The following CPA4 variants were observed in gnomAD, a reference collection of about 807,000 sequenced individuals.
The protein encoded by CPA4 is carboxypeptidase A3.
Under a neutral mutation model 54.7 loss-of-function variants are expected in CPA4, and 49 were observed. That is an observed-to-expected ratio of 0.90 (90% CI 0.71 to 1.14). The LOEUF (loss-of-function observed/expected upper bound fraction) is 1.14. Ranked by LOEUF, CPA4 falls within the 50% of genes most tolerant of loss-of-function variation. CPA4 has a pLI of 0.00. For missense variants in CPA4, 487 were observed against 525.1 expected (o/e 0.93, Z 0.71); for synonymous variants, 215 against 206.8 (o/e 1.04, Z -0.34).
At chr7:130,307,355 G>C (rs1341784601) in intron 7 of CPA4, among the ~76,000 whole-genome samples, 3 of 152,192 alleles carry the variant, frequency 2.0e-5, no homozygotes, top group African/African-American at 7.2e-5. Flanking sequence ...GCCGAGGCCA[G>C]GCGCGGTGGC....
At chr7:130,305,683 A>G (rs1281170823) in intron 5 of CPA4, 133 bp from the exon 6 acceptor site, 1 of 728,506 alleles carries the variant, frequency 1.4e-6, no homozygotes, top group South Asian at 1.7e-5. Context: ...CGATAAATAG[A>G]TGGTGCCCTT....
At chr7:130,309,285 T>G (rs552348603) in intron 8 of CPA4, among the ~76,000 whole-genome samples, 10 of 152,314 alleles carry the variant, frequency 6.6e-5, no homozygotes, top group African/African-American at 2.4e-4. Flanking sequence ...CACTCTCTTC[T>G]AAGACATACA....
intron 10 of CPA4, among the ~76,000 whole-genome samples, chr7:130,321,347 G>A (rs996434687): frequency 2.0e-5 from 3 of 151,910 alleles, no homozygotes; most frequent in South Asian, 2.1e-4. Context: ...TCCCTTCTCC[G>A]TATCCATTAT....
intron 5 of CPA4, among the ~76,000 whole-genome samples, chr7:130,304,845 A>G (rs3735052): frequency 0.3 from 44,938 of 152,078 alleles, 6,874 homozygotes; most frequent in South Asian, 0.35. Context: ...GAAAGCTCTC[A>G]GATGGGACAG....
rs1793925018 is a variant in CPA4, at chr7:130,312,115, C to A, written c.1071C>A (p.Thr357=). Residue 357 remains threonine (T), a synonymous_variant, in exon 10 of 11, where the codon ACC becomes ACA. Coordinates refer to ENST00000222482, the MANE Select transcript of CPA4 (RefSeq NM_016352.4). The part of the protein sequence containing the change: ...GTEYQVGPTC[T]TVYPASGSSI... ...AGTACCAAGTGGGTCCCACCTGCACCACTGTCTGTAAGTACTCGCTTATTT... is the reference window on the plus strand; with the variant it reads ...AGTACCAAGTGGGTCCCACCTGCACAACTGTCTGTAAGTACTCGCTTATTT... 2 of 1,611,670 alleles carry A rather than the reference C, an allele frequency of 1.2e-6. No individual in the cohort carries two copies. Among genetic ancestry groups the A allele is most frequent in the South Asian group, 2.2e-5 (2 of 91,036 alleles).
intron 10 of CPA4, among the ~76,000 whole-genome samples, chr7:130,318,428 T>C (rs964149444): frequency 1.3e-5 from 2 of 152,246 alleles, no homozygotes; most frequent in African/African-American, 2.4e-5. Flanking sequence ...CTTTTTGAAA[T>C]GGAGTTTCGT....
At chr7:130,314,348 C>G (rs754502351) in intron 10 of CPA4, among the ~76,000 whole-genome samples, 1 of 152,116 alleles carries the variant, frequency 6.6e-6, no homozygotes. Context: ...TGTAGGGAGT[C>G]GTAATAGGTT....
intron 10 of CPA4, among the ~76,000 whole-genome samples, chr7:130,321,217 T>C (rs529916073): frequency 2.6e-5 from 4 of 152,202 alleles, no homozygotes; most frequent in African/African-American, 9.6e-5. Context: ...GAAAAAATTA[T>C]CTATGCTTTG....
intron 4 of CPA4, among the ~76,000 whole-genome samples, chr7:130,303,596 G>A (rs1793772311): frequency 6.6e-6 from 1 of 152,022 alleles, no homozygotes; most frequent in South Asian, 2.1e-4. Context: ...CAGAATTTTG[G>A]AGAGTACTGT....
chr7:130,322,426 C>G, intron 10 of CPA4, 63 bp from the exon 11 acceptor site: 1 of 1,410,138 alleles, frequency 7.1e-7, no homozygotes, highest in East Asian at 2.3e-5. Context: ...GAGCTCTTGG[C>G]CCCTTCCCAT....
At chr7:130,296,679 CTTTTTTTTTT>C (rs369325885) in intron 1 of CPA4, among the ~76,000 whole-genome samples, 3 of 73,004 alleles carry the variant, frequency 4.1e-5, no homozygotes, top group Admixed American at 2.3e-4. Flanking sequence ...GCTCCCCTCA[CTTTTTTTTTT>C]TTTTTTTTTT....
chr7:130,310,651 T>C lies in CPA4; in HGVS notation c.794-136T>C, dbSNP rs561594254. The C allele has an allele frequency of 4.2e-6, 3 of 720,640 alleles. No homozygotes were observed. Among genetic ancestry groups the C allele is most frequent in the East Asian group, 2.7e-5 (1 of 37,050 alleles). The allele number at this position is 720,640 out of a possible 1,614,324, so 44.6% of individuals were successfully genotyped here. On this transcript the variant is annotated intron_variant, in intron 8 of 10. Coordinates refer to ENST00000222482, the MANE Select transcript of CPA4 (RefSeq NM_016352.4). The surrounding 1 kb of genome is among the most constrained non-coding windows in gnomAD (Gnocchi z 4.3). ...CCTTCTCTGCAGTCCACACCCACCA[T>C]GGACTAGGTGCTCTGGGCCGTCTCG...
At chr7:130,296,624 T>C (rs911075188) in intron 1 of CPA4, among the ~76,000 whole-genome samples, 6 of 151,772 alleles carry the variant, frequency 4.0e-5, no homozygotes. Flanking sequence ...TTACACACGC[T>C]TAACTGTGCT....
At chr7:130,313,289 A>C (rs565827017) in intron 10 of CPA4, among the ~76,000 whole-genome samples, 2 of 152,336 alleles carry the variant, frequency 1.3e-5, no homozygotes, top group South Asian at 4.2e-4. Context: ...TATTATTAGG[A>C]CAGAGCCCAG....
At position 130,306,772 on chromosome 7, in the gene CPA4, A is replaced by T. The variant is rs1488298409; in HGVS notation, c.592-15A>T. 1 of 1,463,168 alleles carries T rather than the reference A, an allele frequency of 6.8e-7. No individual in the cohort carries two copies. The highest frequency in any genetic ancestry group is 9.6e-7 in the Non-Finnish European group (1 of 1,042,954). 90.6% of individuals were successfully genotyped at this position (1,463,168 alleles called of 1,614,324 possible). A position where few individuals can be genotyped will look rare whatever the true frequency, so the allele number is the denominator to read the frequency against. On this transcript the variant is annotated splice_polypyrimidine_tract_variant and intron_variant, in intron 6 of 10. Transcript: ENST00000222482. ...CTGCCATGGGATAGCTGACAAGCAT[A>T]TTGTCTCTGCTTAGATTGTATCTGA...
rs1793899618 is a variant in CPA4 at position 130,310,828 on chromosome 7, G to A, written c.835G>A (p.Gly279Arg). 6.2e-7 allele frequency: 1 copy of A among 1,614,102 alleles called. No homozygotes were observed. Among genetic ancestry groups the A allele is most frequent in the Non-Finnish European group, 8.5e-7 (1 of 1,180,042 alleles). The change falls in exon 9 of 11, where the codon GGA (glycine) becomes AGA (arginine). Residue 279 changes from glycine to arginine, a missense_variant. Physicochemically the swap from Gly to Arg is moderately radical, Grantham distance 125. Transcript: ENST00000222482. The surrounding 1 kb of genome is among the most constrained non-coding windows in gnomAD (Gnocchi z 4.3). ...SDNPCSEVYH[G>R]PHANSEVEVK... Reference sequence around the variant, plus strand: ...CAACCCTTGCTCCGAAGTGTACCATGGACCCCACGCCAATTCGGAAGTGGA... The same window carrying A: ...CAACCCTTGCTCCGAAGTGTACCATAGACCCCACGCCAATTCGGAAGTGGA...
chr7:130,298,823 T>C lies in CPA4; in HGVS notation c.146T>C (p.Leu49Ser). ...KLSQLVNSNN[L>S]KLNFWKSPSS... is the part of the protein sequence containing the mutation. ...AGTCAACTAGTGAATTCAAACAACTTGAAGGTACCTGGTTCTTTTTAGCTC... is the reference window on the plus strand; with the variant it reads ...AGTCAACTAGTGAATTCAAACAACTCGAAGGTACCTGGTTCTTTTTAGCTC... The change falls in exon 2 of 11, where the codon TTG becomes TCG. Residue 49 changes from leucine (L) to serine (S), a missense_variant. Transcript: ENST00000222482. 1 of 1,592,362 alleles carries C rather than the reference T, an allele frequency of 6.3e-7. No homozygotes were observed. Among genetic ancestry groups the C allele is most frequent in the Non-Finnish European group, 8.6e-7 (1 of 1,160,116 alleles).
intron 10 of CPA4, 25 bp downstream of exon 10, chr7:130,312,147 T>C: frequency 6.4e-7 from 1 of 1,551,726 alleles, no homozygotes; most frequent in Non-Finnish European, 8.9e-7. Flanking sequence ...ATTTATGAGT[T>C]ATTTAGAAAG....
chr7:130,293,902 CACACACACACGTGCTCA>C (rs1008584582), intron 1 of CPA4, among the ~76,000 whole-genome samples: 1 of 151,850 alleles, frequency 6.6e-6, no homozygotes, highest in African/African-American at 2.4e-5. Flanking sequence ...TGTGTGTGTG[CACACACACACGTGCTCA>C]ACACGCTCCA....
Sources: allele counts gnomAD v4.1 joint callset (sites outside exome capture counted in the v4.1 genomes callset), GRCh38; gene constraint gnomAD v4.1.1; non-coding constraint Gnocchi (gnomAD v3.1); transcripts MANE v1.5; gene names NCBI Gene and HGNC (gene_info 2026-07-23, HGNC 2026-07-21).